DOK5: variants seen among roughly 807,000 people sequenced by gnomAD.
The protein encoded by DOK5 is downstream of tyrosine kinase 5.
A neutral mutation model predicts 43.3 loss-of-function variants in DOK5; 27 were observed. The observed-to-expected ratio is 0.62, with a 90% CI of 0.46 to 0.86. DOK5 has a LOEUF of 0.86. DOK5 is among the 40% of genes least tolerant of loss of function. DOK5 has a pLI of 0.00. For missense variants in DOK5, 373 were observed against 392.9 expected (o/e 0.95, Z 0.43); for synonymous variants, 146 against 140.1 (o/e 1.04, Z -0.30).
At chr20:54,479,358 A>G (rs575336533) in intron 1 of DOK5, among the ~76,000 whole-genome samples, 29 of 152,078 alleles carry the variant, frequency 1.9e-4, no homozygotes, top group African/African-American at 7.0e-4. Context: ...TTGTTCAGGA[A>G]TGTCGACGTT....
chr20:54,567,713 C>T (rs945200098), intron 2 of DOK5, among the ~76,000 whole-genome samples: 1 of 152,114 alleles, frequency 6.6e-6, no homozygotes, highest in Admixed American at 6.5e-5. Flanking sequence ...TCTATATCTA[C>T]AGAAAATCCT....
At chr20:54,584,741 TATA>T (rs1985751413) in intron 2 of DOK5, among the ~76,000 whole-genome samples, 1 of 148,350 alleles carries the variant, frequency 6.7e-6, no homozygotes, top group Admixed American at 6.7e-5. Context: ...ATATATACAC[TATA>T]ATATGTGTGT....
chr20:54,516,820 CT>C (rs1339977457), intron 1 of DOK5, among the ~76,000 whole-genome samples: 1 of 152,190 alleles, frequency 6.6e-6, no homozygotes, highest in Non-Finnish European at 1.5e-5. Flanking sequence ...AATTTACAGT[CT>C]AGGGGGTAGA....
chr20:54,588,449 G>C (rs747580684), intron 2 of DOK5, 34 bp from the exon 3 acceptor site: 26 of 1,569,222 alleles, frequency 1.7e-5, no homozygotes, highest in Non-Finnish European at 2.2e-5. Context: ...ATTCATTCAG[G>C]GAGTGTGTCA....
chr20:54,584,676 ATG>A (rs202213804), intron 2 of DOK5, among the ~76,000 whole-genome samples: 8 of 149,326 alleles, frequency 5.4e-5, no homozygotes, highest in African/African-American at 7.4e-5. Context: ...ATATATTTGT[ATG>A]TGTGTGTATA....
intron 1 of DOK5, among the ~76,000 whole-genome samples, chr20:54,542,503 C>T (rs1397313271): frequency 6.6e-6 from 1 of 152,180 alleles, no homozygotes; most frequent in Non-Finnish European, 1.5e-5. Flanking sequence ...GCATATATAA[C>T]TTTCTGTTTT....
intron 6 of DOK5, among the ~76,000 whole-genome samples, chr20:54,641,733 A>T (rs1391367165): frequency 6.6e-6 from 1 of 152,030 alleles, no homozygotes; most frequent in Non-Finnish European, 1.5e-5. Flanking sequence ...TAGGTCTGTA[A>T]CCCCCTGTGT....
chr20:54,644,431 G>A (rs1193890005), intron 7 of DOK5, among the ~76,000 whole-genome samples: 3 of 152,074 alleles, frequency 2.0e-5, no homozygotes, highest in Admixed American at 6.5e-5. Flanking sequence ...AAGGCCGGGC[G>A]CAGTGGCTCA....
intron 1 of DOK5, among the ~76,000 whole-genome samples, chr20:54,478,779 A>C (rs1288107089): frequency 6.6e-6 from 1 of 152,226 alleles, no homozygotes; most frequent in Non-Finnish European, 1.5e-5. Flanking sequence ...AGCATTAAAG[A>C]AGATATTTGT....
intron 7 of DOK5, among the ~76,000 whole-genome samples, chr20:54,644,723 A>ACAAAAAAAAAAAC (rs1555839842): frequency 2.0e-4 from 29 of 142,484 alleles, no homozygotes; most frequent in African/African-American, 8.3e-4. Flanking sequence ...AAAAAAAAAA[A>ACAAAAAAAAAAAC]ACAAAATTTA....
intron 5 of DOK5, among the ~76,000 whole-genome samples, chr20:54,593,967 G>A (rs1354843799): frequency 6.6e-6 from 1 of 152,080 alleles, no homozygotes; most frequent in African/African-American, 2.4e-5. Flanking sequence ...ATACATAGAA[G>A]GGAACAACAC....
At chr20:54,492,822 G>C (rs1318142892) in intron 1 of DOK5, among the ~76,000 whole-genome samples, 1 of 151,700 alleles carries the variant, frequency 6.6e-6, no homozygotes, top group African/African-American at 2.4e-5. Flanking sequence ...GGGAGGCCAA[G>C]GGGGGTGGAT....
chr20:54,646,721 T>C (rs1441908725), intron 7 of DOK5, among the ~76,000 whole-genome samples: 1 of 152,218 alleles, frequency 6.6e-6, no homozygotes, highest in African/African-American at 2.4e-5. Context: ...CCCTCTCCCC[T>C]ACTTTTCATA....
At chr20:54,535,819 T>C (rs970594613) in intron 1 of DOK5, among the ~76,000 whole-genome samples, 2 of 152,174 alleles carry the variant, frequency 1.3e-5, no homozygotes, top group Non-Finnish European at 2.9e-5. Flanking sequence ...TCAGTATGAT[T>C]TGAATATTTG....
At chr20:54,531,550 G>A (rs560191067) in intron 1 of DOK5, among the ~76,000 whole-genome samples, 5 of 152,284 alleles carry the variant, frequency 3.3e-5, no homozygotes, top group East Asian at 1.9e-4. Context: ...TGGATACAAG[G>A]AAGATAGAAG....
intron 1 of DOK5, among the ~76,000 whole-genome samples, chr20:54,513,028 G>A (rs1404906906): frequency 1.3e-5 from 2 of 152,136 alleles, no homozygotes; most frequent in Non-Finnish European, 2.9e-5. Context: ...TTGGGGTCAT[G>A]TGATACCCAG....
intron 2 of DOK5, 176 bp downstream of exon 2, chr20:54,555,216 A>C (rs1984668806): frequency 1.7e-6 from 1 of 573,892 alleles, no homozygotes; most frequent in Non-Finnish European, 3.1e-6. Context: ...TGACTAATGT[A>C]AAGTCACTTT....
intron 6 of DOK5, among the ~76,000 whole-genome samples, chr20:54,617,114 G>C (rs1040236384): frequency 6.6e-6 from 1 of 152,060 alleles, no homozygotes; most frequent in Non-Finnish European, 1.5e-5. Flanking sequence ...AAGCTCACAT[G>C]GTTATTGGTG....
chr20:54,643,323 C>T (rs1600763112), intron 6 of DOK5, 135 bp from the exon 7 acceptor site: 4 of 1,224,078 alleles, frequency 3.3e-6, no homozygotes, highest in Middle Eastern at 2.1e-4. Context: ...ATGCCCACCA[C>T]CTTCAATCGA....
Sources: gnomAD v4.1 joint callset for allele counts (sites outside exome capture counted in the v4.1 genomes callset) on GRCh38, gnomAD v4.1.1 for gene constraint, MANE v1.5 for transcripts, NCBI Gene and HGNC (gene_info 2026-07-23, HGNC 2026-07-21) for gene names.